Variants in KCNIP1 observed in about 807,000 individuals in gnomAD.
KCNIP1 encodes the protein A-type potassium channel modulatory protein KCNIP1.
A neutral mutation model predicts 33.0 loss-of-function variants in KCNIP1; 18 were observed. The observed-to-expected ratio is 0.55, with a 90% confidence interval of 0.38 to 0.81. KCNIP1 has a LOEUF of 0.81. Ranked by LOEUF, KCNIP1 falls within the 30% of genes least tolerant of loss-of-function variation. KCNIP1 has a pLI of 0.00. For missense variants in KCNIP1, 238 were observed against 271.6 expected, an observed-to-expected ratio of 0.88 and a Z score of 0.87; for synonymous variants, 93 against 98.3, an observed-to-expected ratio of 0.95 and a Z score of 0.32.
chr5:170,412,431 A>G lies in KCNIP1; in HGVS notation c.88+58467A>G, dbSNP rs376098699. Among the ~76,000 whole-genome samples, 242 of 152,266 alleles carry G rather than the reference A, an allele frequency of 1.6e-3. 1 individual carries two copies. The highest frequency in any genetic ancestry group is 0.013 in the South Asian group (65 of 4,828). ...TGGACATTCAAGTAGCAAGAGGTAA[A>G]TGATTTGGGGAGATTGATCTGGCCC... On this transcript the variant is annotated intron_variant, in intron 1 of 7. Coordinates refer to the KCNIP1 transcript ENST00000377360.
At chr5:170,629,055 G>A (rs1017230161) in intron 1 of KCNIP1, among the ~76,000 whole-genome samples, 9 of 152,110 alleles carry the variant, frequency 5.9e-5, no homozygotes, top group Non-Finnish European at 1.0e-4. Context: ...CTGTCCTCCC[G>A]CCCTCCACTC....
intron 1 of KCNIP1, among the ~76,000 whole-genome samples, chr5:170,608,155 G>C (rs1759005483): frequency 6.6e-6 from 1 of 152,096 alleles, no homozygotes; most frequent in South Asian, 2.1e-4. Flanking sequence ...CTGTCTCCTA[G>C]GAACAAGGAC....
At chr5:170,680,262 C>T (rs767464964) in intron 1 of KCNIP1, among the ~76,000 whole-genome samples, 1 of 152,112 alleles carries the variant, frequency 6.6e-6, no homozygotes, top group Non-Finnish European at 1.5e-5. Flanking sequence ...AGCACCTTTC[C>T]CCACCAGGCT....
At chr5:170,551,720 T>C (rs1340282637) in intron 1 of KCNIP1, among the ~76,000 whole-genome samples, 1 of 151,754 alleles carries the variant, frequency 6.6e-6, no homozygotes, top group Non-Finnish European at 1.5e-5. Flanking sequence ...ACTGTGTATA[T>C]GAGTGCATGT....
chr5:170,561,922 AC>A (rs1310844050), intron 1 of KCNIP1, among the ~76,000 whole-genome samples: 1 of 152,158 alleles, frequency 6.6e-6, no homozygotes, highest in Non-Finnish European at 1.5e-5. Flanking sequence ...CGCATTTAGT[AC>A]CCCCAGTTAA....
At chr5:170,637,856 T>G (rs1007856491) in intron 1 of KCNIP1, among the ~76,000 whole-genome samples, 3 of 152,052 alleles carry the variant, frequency 2.0e-5, no homozygotes, top group Admixed American at 6.5e-5. Flanking sequence ...ACTATCTGCT[T>G]CTTCTCCACC....
intron 1 of KCNIP1, among the ~76,000 whole-genome samples, chr5:170,491,050 G>T (rs1404868925): frequency 6.6e-6 from 1 of 152,090 alleles, no homozygotes; most frequent in Non-Finnish European, 1.5e-5. Flanking sequence ...ATCACCTCTT[G>T]GTTTTTGGCT....
At chr5:170,383,343 C>T (rs1486912077) in intron 1 of KCNIP1, 1 of 578,700 alleles carries the variant, frequency 1.7e-6, no homozygotes, top group Non-Finnish European at 3.1e-6. Flanking sequence ...CCACTATCCA[C>T]TCAGCATCAA....
chr5:170,617,455 T>A (rs1273969175), intron 1 of KCNIP1, among the ~76,000 whole-genome samples: 1 of 152,312 alleles, frequency 6.6e-6, no homozygotes, highest in East Asian at 1.9e-4. Context: ...TGCTGCTGCC[T>A]GCTGCCCACT....
chr5:170,625,770 T>G (rs764776445), intron 1 of KCNIP1, among the ~76,000 whole-genome samples: 80 of 152,102 alleles, frequency 5.3e-4, no homozygotes, highest in Non-Finnish European at 8.4e-4. Flanking sequence ...CCACCTGCTG[T>G]TAGGATGATT....
At chr5:170,397,894 C>A (rs1298389535) in intron 1 of KCNIP1, among the ~76,000 whole-genome samples, 1 of 152,112 alleles carries the variant, frequency 6.6e-6, no homozygotes, top group Non-Finnish European at 1.5e-5. Flanking sequence ...GAAGAGGGGG[C>A]TGCCAGGTTA....
At chr5:170,690,735 A>G (rs1346469391) in intron 1 of KCNIP1, among the ~76,000 whole-genome samples, 1 of 152,202 alleles carries the variant, frequency 6.6e-6, no homozygotes, top group Non-Finnish European at 1.5e-5. Context: ...TCTCTCACCA[A>G]CTTTAGAATT....
chr5:170,367,416 A>AG lies in KCNIP1; in HGVS notation c.88+13453dup, dbSNP rs202229545. Among the ~76,000 whole-genome samples the AG allele has an allele frequency of 8.9e-3, 1,060 of 119,522 alleles. 6 individuals are homozygous for AG. The highest frequency in any genetic ancestry group is 0.012 in the East Asian group (50 of 4,238). 78.4% of individuals were successfully genotyped at this position (119,522 alleles called of 152,430 possible). ...AAGAAAGAAAGAAAGAAAGAAAGAA[A>AG]GAAAGGAAAGAAAGAAAGAAAGGAA... On this transcript the variant is annotated intron_variant, in intron 1 of 7. Coordinates refer to the KCNIP1 transcript ENST00000377360.
chr5:170,665,734 C>A (rs1227838548), intron 1 of KCNIP1, among the ~76,000 whole-genome samples: 1 of 152,216 alleles, frequency 6.6e-6, no homozygotes, highest in Non-Finnish European at 1.5e-5. Flanking sequence ...TTAGACTCTT[C>A]TTGGCTGTGA....
intron 1 of KCNIP1, chr5:170,379,020 C>A: frequency 6.3e-7 from 1 of 1,594,188 alleles, no homozygotes; most frequent in South Asian, 1.1e-5. Flanking sequence ...ATCCCCATTT[C>A]TTAGCCAAGG....
intron 1 of KCNIP1, among the ~76,000 whole-genome samples, chr5:170,453,995 CA>C (rs1756315329): frequency 6.6e-6 from 1 of 152,338 alleles, no homozygotes; most frequent in Admixed American, 6.5e-5. Flanking sequence ...GAAAAGGACA[CA>C]GCTGAACCGT....
intron 1 of KCNIP1, chr5:170,385,269 C>T (rs760953704): frequency 6.2e-7 from 1 of 1,611,562 alleles, no homozygotes; most frequent in Admixed American, 1.7e-5. Flanking sequence ...ATGCCAGACC[C>T]TTAGGAGAGG....
intron 7 of KCNIP1, 85 bp downstream of exon 7, chr5:170,733,983 G>A (rs1764298465): frequency 9.1e-7 from 1 of 1,098,924 alleles, no homozygotes; most frequent in Non-Finnish European, 1.4e-6. Flanking sequence ...AAGGTGATGA[G>A]AAACCTGCAC....
intron 1 of KCNIP1, among the ~76,000 whole-genome samples, chr5:170,355,970 C>T (rs1225236297): frequency 3.3e-5 from 5 of 152,324 alleles, no homozygotes; most frequent in Non-Finnish European, 7.3e-5. Flanking sequence ...TACACAGCCC[C>T]GGCTCTGCGC....
Sources: allele counts gnomAD v4.1 joint callset (sites outside exome capture counted in the v4.1 genomes callset), GRCh38; gene constraint gnomAD v4.1.1; transcripts MANE v1.5; gene names NCBI Gene and HGNC (gene_info 2026-07-23, HGNC 2026-07-21).